ABCA13: variants seen among roughly 807,000 people sequenced by gnomAD.
ABCA13 encodes the protein ATP-binding cassette sub-family A member 13.
ABCA13 carries 476 observed loss-of-function variants against 478.7 expected under a neutral mutation model. That is an observed-to-expected ratio of 0.99 (90% confidence interval 0.92 to 1.07). The LOEUF is 1.07. Among genes scored for constraint, ABCA13 ranks in the 50% least tolerant of loss-of-function variants. The pLI is 0.00. For synonymous variants in ABCA13, 2,252 were observed against 2,158.9 expected, an observed-to-expected ratio of 1.04 and a Z score of -1.20; for missense variants, 6,060 against 5,910.6, an observed-to-expected ratio of 1.03 and a Z score of -0.83.
chr7:48,294,615 T>G (rs1364626174), intron 20 of ABCA13, among the ~76,000 whole-genome samples: 1 of 151,304 alleles, frequency 6.6e-6, no homozygotes, highest in Non-Finnish European at 1.5e-5. Context: ...CCCGGCTAAT[T>G]TTTTGTATTT....
At chr7:48,535,674 G>A (rs923144813) in intron 55 of ABCA13, among the ~76,000 whole-genome samples, 1 of 152,092 alleles carries the variant, frequency 6.6e-6, no homozygotes, top group Non-Finnish European at 1.5e-5. Flanking sequence ...TCCTTTGGTG[G>A]GGCTTGCTGT....
At chr7:48,521,243 C>G (rs2130982149) in intron 53 of ABCA13, among the ~76,000 whole-genome samples, 1 of 152,266 alleles carries the variant, frequency 6.6e-6, no homozygotes, top group East Asian at 1.9e-4. Context: ...TTGGCCTGCT[C>G]TTTCCAAGGG....
At position 48,645,560 on chromosome 7, in the gene ABCA13, A is replaced by C; in HGVS notation, c.*48A>C. 1 of 1,464,452 alleles carries C rather than the reference A, an allele frequency of 6.8e-7. No individual in the cohort carries two copies. The highest frequency in any genetic ancestry group is 1.7e-4 in the Middle Eastern group (1 of 5,824). The allele number at this position is 1,464,452 out of a possible 1,614,324, so 90.7% of individuals were successfully genotyped here. ...GAATAAAACCTTGTCTTCCATTACA[A>C]TTAACAGTCAAGGATAAAACAAGCA... On this transcript the variant is annotated 3_prime_UTR_variant, in exon 62 of 62. Transcript: ENST00000435803.
chr7:48,472,766 C>T (rs887298145), intron 45 of ABCA13, among the ~76,000 whole-genome samples: 6 of 152,158 alleles, frequency 3.9e-5, no homozygotes, highest in South Asian at 2.1e-4. Context: ...CCATAAGGCA[C>T]GAATCCCTGG....
chr7:48,346,973 C>G (rs928524722), intron 29 of ABCA13, among the ~76,000 whole-genome samples: 1 of 152,130 alleles, frequency 6.6e-6, no homozygotes. Flanking sequence ...TTGATGCCTC[C>G]CATGGCTATA....
chr7:48,315,455 G>A (rs1261152654), intron 26 of ABCA13, among the ~76,000 whole-genome samples: 2 of 151,858 alleles, frequency 1.3e-5, no homozygotes, highest in Non-Finnish European at 2.9e-5. Flanking sequence ...ATAATTAATG[G>A]CTTAAAAATG....
At chr7:48,334,825 A>G (rs972029495) in intron 27 of ABCA13, among the ~76,000 whole-genome samples, 9 of 152,332 alleles carry the variant, frequency 5.9e-5, no homozygotes, top group African/African-American at 2.2e-4. Flanking sequence ...TATTAAATGT[A>G]ATAATATTGC....
intron 55 of ABCA13, among the ~76,000 whole-genome samples, chr7:48,542,929 T>C (rs1160455200): frequency 6.6e-6 from 1 of 151,758 alleles, no homozygotes; most frequent in Non-Finnish European, 1.5e-5. Context: ...GTGCATTATA[T>C]TGACTTTGTA....
intron 45 of ABCA13, among the ~76,000 whole-genome samples, chr7:48,478,911 ATGTGTTTG>A (rs1203939963): frequency 6.7e-6 from 1 of 150,098 alleles, no homozygotes; most frequent in Non-Finnish European, 1.5e-5. Flanking sequence ...ATTTGTGTGC[ATGTGTTTG>A]TGTGTGTTGA....
At chr7:48,538,889 T>G (rs767663923) in intron 55 of ABCA13, among the ~76,000 whole-genome samples, 16 of 152,322 alleles carry the variant, frequency 1.1e-4, no homozygotes, top group Non-Finnish European at 2.2e-4. Context: ...CTTTACAAAC[T>G]CTCTGTCGAA....
At chr7:48,221,371 C>G in intron 5 of ABCA13, 62 bp downstream of exon 5, 1 of 801,876 alleles carries the variant, frequency 1.2e-6, no homozygotes. Context: ...AAGTTTACAA[C>G]ACTGTTTTTA....
intron 47 of ABCA13, among the ~76,000 whole-genome samples, chr7:48,487,120 G>C (rs1432254585): frequency 6.6e-6 from 1 of 152,012 alleles, no homozygotes; most frequent in Non-Finnish European, 1.5e-5. Context: ...AGACCAGCCT[G>C]ACCAACATGG....
intron 26 of ABCA13, among the ~76,000 whole-genome samples, chr7:48,315,669 G>A (rs1329836451): frequency 2.0e-5 from 3 of 151,922 alleles, no homozygotes; most frequent in Admixed American, 6.6e-5. Context: ...TAGTAGAGAC[G>A]GGGTTTCACC....
intron 47 of ABCA13, among the ~76,000 whole-genome samples, chr7:48,487,335 A>AAAAAAAAAAC (rs1563337884): frequency 4.0e-5 from 2 of 49,884 alleles, no homozygotes; most frequent in African/African-American, 3.2e-4. Context: ...AAAACAAAAC[A>AAAAAAAAAAC]AAAAAAACAA....
chr7:48,495,137 G>A (rs944617048), intron 48 of ABCA13, among the ~76,000 whole-genome samples: 1 of 152,158 alleles, frequency 6.6e-6, no homozygotes, highest in South Asian at 2.1e-4. Flanking sequence ...TATGGCAGTA[G>A]CAATGATTGA....
intron 55 of ABCA13, among the ~76,000 whole-genome samples, chr7:48,573,841 G>A (rs1787909441): frequency 1.3e-5 from 2 of 152,048 alleles, no homozygotes; most frequent in Non-Finnish European, 2.9e-5. Context: ...TCAAGCTGTT[G>A]CCATTAGTTC....
chr7:48,392,256 A>G, intron 38 of ABCA13, 117 bp downstream of exon 38: 2 of 974,234 alleles, frequency 2.1e-6, no homozygotes, highest in Admixed American at 4.7e-5. Context: ...AGATGAAATA[A>G]TTAGCAAATG....
intron 24 of ABCA13, among the ~76,000 whole-genome samples, chr7:48,312,258 A>G (rs1801888744): frequency 6.6e-6 from 1 of 152,222 alleles, no homozygotes; most frequent in African/African-American, 2.4e-5. Context: ...TATCCAAATG[A>G]CAGACAGTGG....
At chr7:48,241,154 C>A in intron 10 of ABCA13, 88 bp downstream of exon 10, 2 of 1,420,402 alleles carry the variant, frequency 1.4e-6, no homozygotes, top group East Asian at 2.3e-5. Context: ...GAAACACATT[C>A]TGTAAAACTA....
Sources: gnomAD v4.1 joint callset for allele counts (sites outside exome capture counted in the v4.1 genomes callset) on GRCh38, gnomAD v4.1.1 for gene constraint, MANE v1.5 for transcripts, NCBI Gene and HGNC (gene_info 2026-07-23, HGNC 2026-07-21) for gene names.